LCOR: variants seen among roughly 807,000 people sequenced by gnomAD.
LCOR encodes ligand dependent nuclear receptor corepressor.
A neutral mutation model predicts 64.4 loss-of-function variants in LCOR; 14 were observed. That is an observed-to-expected ratio of 0.22 (90% CI 0.14 to 0.34). The LOEUF (loss-of-function observed/expected upper bound fraction) is 0.34, where lower values mean the gene tolerates loss of function less well. Ranked by LOEUF, LCOR falls within the 10% of genes least tolerant of loss-of-function variation. LCOR has a pLI of 1.00. For missense variants in LCOR, 1,686 were observed against 1,765.3 expected (o/e 0.96, Z 0.80); for synonymous variants, 643 against 642.5 (o/e 1.00, Z -0.01).
Position 96,918,049 on chromosome 10 carries a change from A to G in LCOR, c.-184+10302A>G, listed in dbSNP as rs531420217. Among the ~76,000 whole-genome samples, 30 of 152,322 alleles carry G rather than the reference A, an allele frequency of 2.0e-4. 1 individual carries two copies. In the South Asian group the frequency reaches 6.0e-3, roughly 30 times the overall value. ...GAAATAAAAGGTCTGGGGTGAAGAT[A>G]TATTGGAGAGGGTTTCTGAAAACAT... On this transcript the variant is annotated intron_variant, in intron 4 of 7. Coordinates refer to ENST00000421806, the MANE Select transcript of LCOR (RefSeq NM_001346516.2).
intron 2 of LCOR, among the ~76,000 whole-genome samples, chr10:96,836,792 C>G (rs1315453180): frequency 6.6e-6 from 1 of 152,148 alleles, no homozygotes; most frequent in Non-Finnish European, 1.5e-5. Flanking sequence ...ATTTAAACTG[C>G]AGTTCATGAT....
intron 2 of LCOR, among the ~76,000 whole-genome samples, chr10:96,835,145 C>T (rs967401362): frequency 1.4e-4 from 21 of 152,190 alleles, no homozygotes; most frequent in African/African-American, 4.3e-4. Flanking sequence ...ATGATCCGCC[C>T]GCCTCGGCTT....
chr10:96,948,473 T>C (rs1339182372), intron 5 of LCOR, among the ~76,000 whole-genome samples: 3 of 152,232 alleles, frequency 2.0e-5, no homozygotes, highest in Admixed American at 2.0e-4. Flanking sequence ...GTGATTCTGA[T>C]GAACATTAAA....
chr10:96,838,534 G>A (rs1845484976), intron 2 of LCOR, among the ~76,000 whole-genome samples: 1 of 152,210 alleles, frequency 6.6e-6, no homozygotes. Flanking sequence ...TTCTGTTTCT[G>A]TGGATTTGTC....
rs565591706 is a variant in LCOR, at chr10:96,855,413, G to T, written c.-330+21934G>T. On this transcript the variant is annotated intron_variant, in intron 2 of 7. Transcript: ENST00000421806. ...GGAACCAAAAGTTTTGACTGACGCTGTTTTTTTTTGTTTTTTGTTTGTTTG... is the reference window on the plus strand; with the variant it reads ...GGAACCAAAAGTTTTGACTGACGCTTTTTTTTTTTGTTTTTTGTTTGTTTG... 2.7e-5 allele frequency among the ~76,000 whole-genome samples: 4 copies of T among 147,744 alleles called. No homozygotes were observed. The South Asian group carries it at 8.4e-4, about 31-fold the overall frequency.
chr10:96,837,084 T>C (rs924713386), intron 2 of LCOR, among the ~76,000 whole-genome samples: 6 of 151,120 alleles, frequency 4.0e-5, no homozygotes, highest in South Asian at 4.2e-4. Flanking sequence ...TTCCGCCTCC[T>C]GGGTTCAAGC....
At chr10:96,842,928 G>A (rs920146292) in intron 2 of LCOR, among the ~76,000 whole-genome samples, 8 of 152,080 alleles carry the variant, frequency 5.3e-5, no homozygotes, top group African/African-American at 7.2e-5. Context: ...ATCATGGCCC[G>A]CCCCTAGTTT....
chr10:96,908,872 C>T (rs1379772006), intron 4 of LCOR, among the ~76,000 whole-genome samples: 4 of 152,040 alleles, frequency 2.6e-5, no homozygotes, highest in African/African-American at 4.8e-5. Flanking sequence ...CCCGCCACCT[C>T]GCCCGGCTAA....
chr10:96,870,451 A>G (rs1217785614), intron 2 of LCOR, among the ~76,000 whole-genome samples: 1 of 152,222 alleles, frequency 6.6e-6, no homozygotes, highest in African/African-American at 2.4e-5. Context: ...AGGCACTGAC[A>G]TATTACAGCC....
rs555278984 is a variant in LCOR, at chr10:96,980,316, G to T, written c.333-477G>T. Among the ~76,000 whole-genome samples the T allele has an allele frequency of 5.3e-5, 8 of 152,256 alleles. 1 individual carries two copies. In the South Asian group the frequency reaches 1.7e-3, roughly 32 times the overall value. On this transcript the variant is annotated intron_variant, in intron 7 of 7. Coordinates refer to ENST00000421806, the MANE Select transcript of LCOR (RefSeq NM_001346516.2). ...AAATAAAGTATATGTTGACCAACCAGAGTTAATAGTGTGGTCAAAATTTTA... is the reference window on the plus strand; with the variant it reads ...AAATAAAGTATATGTTGACCAACCATAGTTAATAGTGTGGTCAAAATTTTA...
At chr10:96,884,496 C>T (rs1227349241) in intron 2 of LCOR, among the ~76,000 whole-genome samples, 1 of 152,140 alleles carries the variant, frequency 6.6e-6, no homozygotes, top group Non-Finnish European at 1.5e-5. Flanking sequence ...GTTTGGATAT[C>T]CCCCCTCCCC....
At chr10:96,877,895 G>A (rs1589625707) in intron 2 of LCOR, among the ~76,000 whole-genome samples, 1 of 152,180 alleles carries the variant, frequency 6.6e-6, no homozygotes, top group East Asian at 1.9e-4. Context: ...ACAGGCGTGA[G>A]CCACTGCGCC....
At chr10:96,891,140 A>T (rs1320959762) in intron 2 of LCOR, among the ~76,000 whole-genome samples, 1 of 152,150 alleles carries the variant, frequency 6.6e-6, no homozygotes, top group Non-Finnish European at 1.5e-5. Context: ...AGGATTCACC[A>T]ATGAAGCCAT....
chr10:96,894,980 C>T (rs1350831082), intron 2 of LCOR, among the ~76,000 whole-genome samples: 3 of 152,146 alleles, frequency 2.0e-5, no homozygotes, highest in Non-Finnish European at 2.9e-5. Flanking sequence ...TTTTCAGTCT[C>T]TTTTTCTTTC....
intron 4 of LCOR, among the ~76,000 whole-genome samples, chr10:96,921,904 T>G (rs1179300795): frequency 6.6e-6 from 1 of 152,244 alleles, no homozygotes; most frequent in East Asian, 1.9e-4. Flanking sequence ...GACTATCTAT[T>G]TCTGTTTCAT....
At chr10:96,868,089 T>G (rs7924085) in intron 2 of LCOR, among the ~76,000 whole-genome samples, 8,618 of 149,760 alleles carry the variant, frequency 0.058, 558 homozygotes, top group East Asian at 0.29. Flanking sequence ...TCTCCATGTT[T>G]GTCAGGCTGG....
chr10:96,974,407 A>G (rs1848021664), intron 7 of LCOR, among the ~76,000 whole-genome samples: 1 of 152,234 alleles, frequency 6.6e-6, no homozygotes, highest in African/African-American at 2.4e-5. Flanking sequence ...TCACTTGACT[A>G]TTACAGAGTC....
In LCOR at chr10:96,988,733, A is replaced by C. The variant is rs1339961467; in HGVS notation, c.*3599A>C. 1 of 152,210 alleles carries C rather than the reference A, an allele frequency of 6.6e-6. No individual in the cohort carries two copies. Among genetic ancestry groups the C allele is most frequent in the Non-Finnish European group, 1.5e-5 (1 of 68,032 alleles). The allele number at this position is 152,210 out of a possible 1,614,324, so 9.4% of individuals were successfully genotyped here. On this transcript the variant is annotated 3_prime_UTR_variant, in exon 8 of 8. Coordinates refer to ENST00000421806, the MANE Select transcript of LCOR (RefSeq NM_001346516.2). Reference sequence around the variant, plus strand: ...ATGTGATACAAGCTGGAGATGCTGTAGTGTTACTATCAGCAAGTTCTGTGC... The same window carrying C: ...ATGTGATACAAGCTGGAGATGCTGTCGTGTTACTATCAGCAAGTTCTGTGC...
At position 96,957,039 on chromosome 10, in the gene LCOR, C is replaced by A. The variant is rs552006027; in HGVS notation, c.332+4843C>A. The stretch of plus-strand genomic sequence containing the variant: ...CCATGTTTGTAGTGAGAGAAAAAAA[C>A]CCCAAGGTAACCCGATATGATTTAG... On this transcript the variant is annotated intron_variant, in intron 7 of 7. Coordinates refer to ENST00000421806, the MANE Select transcript of LCOR (RefSeq NM_001346516.2). The A allele has an allele frequency of 5.1e-6, 5 of 985,276 alleles. No individual in the cohort carries two copies. The East Asian group carries it at 3.4e-4, about 67-fold the overall frequency. 61.0% of individuals were successfully genotyped at this position (985,276 alleles called of 1,614,324 possible).
Sources: allele counts gnomAD v4.1 joint callset (sites outside exome capture counted in the v4.1 genomes callset), GRCh38; gene constraint gnomAD v4.1.1; transcripts MANE v1.5; gene names NCBI Gene and HGNC (gene_info 2026-07-23, HGNC 2026-07-21).